MYH14: variants seen among roughly 807,000 people sequenced by gnomAD.
MYH14 encodes myosin heavy chain 14, also known as myosin-14.
MYH14 carries 123 observed loss-of-function variants against 255.5 expected under a neutral mutation model. That is an observed-to-expected ratio of 0.48 (90% CI 0.42 to 0.56). MYH14 has a LOEUF of 0.56. Among genes scored for constraint, MYH14 ranks in the 20% least tolerant of loss-of-function variants. The pLI is 0.00. For missense variants in MYH14, 2,423 were observed against 2,802.3 expected (o/e 0.86, Z 3.06); for synonymous variants, 1,095 against 1,161.2 (o/e 0.94, Z 1.16).
chr19:50,232,046 G>A lies in MYH14; in HGVS notation c.1090G>A (p.Gly364Arg). The change falls in exon 10 of 43, where the codon GGA (glycine) becomes AGA (arginine). Residue 364 changes from glycine (G) to arginine (R), a missense_variant. Coordinates refer to ENST00000642316, the MANE Select transcript of MYH14 (RefSeq NM_001145809.2). ...GACGCTGGAGTCGCTGCGGGTCCTG[G>A]GATTCAGCCACGAGGAAATCATCTG... ...QETLESLRVLGFSHEEIISML... is the reference protein window; with the variant it reads ...QETLESLRVLRFSHEEIISML... 6.2e-7 allele frequency: 1 copy of A among 1,612,758 alleles called. No homozygotes were observed. The highest frequency in any genetic ancestry group is 8.5e-7 in the Non-Finnish European group (1 of 1,179,892).
chr19:50,244,921 C>T (rs1459356412), intron 11 of MYH14, among the ~76,000 whole-genome samples: 1 of 152,196 alleles, frequency 6.6e-6, no homozygotes, highest in African/African-American at 2.4e-5. Context: ...TCCCAGACCC[C>T]CTCTCCCCAC....
chr19:50,225,086 C>T (rs1289073758), intron 6 of MYH14, among the ~76,000 whole-genome samples: 1 of 152,208 alleles, frequency 6.6e-6, no homozygotes, highest in African/African-American at 2.4e-5. Flanking sequence ...AGAATTTCTA[C>T]AAGCAACACA....
At chr19:50,249,619 C>G in intron 13 of MYH14, 31 bp from the exon 14 acceptor site, 1 of 1,210,400 alleles carries the variant, frequency 8.3e-7, no homozygotes. Context: ...CCTCTCCATC[C>G]TCCCAGCTCA....
At position 50,310,205 on chromosome 19, in the gene MYH14, T is replaced by C. The variant is rs1267600832; in HGVS notation, c.*415T>C. The stretch of plus-strand genomic sequence containing the variant: ...TCTCTCTCTCTCTCCCTCCCTCTCC[T>C]TCCCTACCCTCTCACCATCTTTCTT... On this transcript the variant is annotated 3_prime_UTR_variant, in exon 43 of 43. Coordinates refer to ENST00000642316, the MANE Select transcript of MYH14 (RefSeq NM_001145809.2). 1.9e-5 allele frequency: 5 copies of C among 259,558 alleles called. No homozygotes were observed. In the East Asian group the frequency reaches 6.6e-4, roughly 34 times the overall value. The allele number at this position is 259,558 out of a possible 1,614,324, so 16.1% of individuals were successfully genotyped here. A position where few individuals can be genotyped will look rare whatever the true frequency, so the allele number is the denominator to read the frequency against.
chr19:50,293,426 G>A lies in MYH14; in HGVS notation c.5345+105G>A, dbSNP rs551516907. On this transcript the variant is annotated intron_variant, in intron 38 of 42. Coordinates refer to ENST00000642316, the MANE Select transcript of MYH14 (RefSeq NM_001145809.2). The surrounding 1 kb of genome is among the most constrained non-coding windows in gnomAD (Gnocchi z 4.1). Reference sequence around the variant, plus strand: ...TCTGGGACAGGAAACTGGGAGGTGGGCGGGGTTAACCTCGGGGCCCCTGGG... The same window carrying A: ...TCTGGGACAGGAAACTGGGAGGTGGACGGGGTTAACCTCGGGGCCCCTGGG... The A allele has an allele frequency of 3.3e-6, 5 of 1,517,928 alleles. No individual in the cohort carries two copies. The South Asian group carries it at 4.8e-5, about 14-fold the overall frequency. The allele number at this position is 1,517,928 out of a possible 1,614,324, so 94.0% of individuals were successfully genotyped here.
Position 50,230,527 on chromosome 19 carries a change from C to T in MYH14, c.877C>T (p.Leu293=), listed in dbSNP as rs2033322331. 1.3e-6 allele frequency: 2 copies of T among 1,560,862 alleles called. No individual in the cohort carries two copies. The highest frequency in any genetic ancestry group is 1.7e-6 in the Non-Finnish European group (2 of 1,152,886). The change falls in exon 9 of 43, where the codon CTG becomes TTG. Residue 293 remains leucine, a splice_region_variant and synonymous_variant. Coordinates refer to ENST00000642316, the MANE Select transcript of MYH14 (RefSeq NM_001145809.2). This position sits in a 1 kb window ranked among gnomAD's most constrained non-coding sequence, Gnocchi z 4.7. The part of the protein sequence containing the change: ...YIVGANIETY[L]LEKSRAIRQA... Reference sequence around the variant, plus strand: ...GCACCTTGACTCGCTGTGTCCAGACCTGCTGGAGAAGTCGCGGGCCATCCG... The same window carrying T: ...GCACCTTGACTCGCTGTGTCCAGACTTGCTGGAGAAGTCGCGGGCCATCCG...
chr19:50,260,756 T>A lies in MYH14; in HGVS notation c.2424+41T>A. 6.8e-7 allele frequency: 1 copy of A among 1,470,096 alleles called. No homozygotes were observed. The highest frequency in any genetic ancestry group is 9.3e-7 in the Non-Finnish European group (1 of 1,070,490). 91.1% of individuals were successfully genotyped at this position (1,470,096 alleles called of 1,614,324 possible). The stretch of plus-strand genomic sequence containing the variant: ...CCTGGAATGCGTGTGTGCGTGTGTG[T>A]GTGTGCGTGCATGAGTGTGCGTGCA... On this transcript the variant is annotated intron_variant, in intron 20 of 42. Transcript: ENST00000642316.
At chr19:50,203,723 C>G (rs546631417) in intron 1 of MYH14, 52 bp downstream of exon 1, 39 of 152,476 alleles carry the variant, frequency 2.6e-4, no homozygotes, top group African/African-American at 9.4e-4. Flanking sequence ...GGGACTGAGC[C>G]AGGGGAAGCT....
intron 3 of MYH14, 50 bp downstream of exon 3, chr19:50,217,821 G>A (rs760901657): frequency 3.1e-6 from 5 of 1,593,240 alleles, no homozygotes; most frequent in Non-Finnish European, 4.3e-6. Context: ...TTCAACGGGG[G>A]CCTGACCTGG....
At chr19:50,301,385 T>C (rs1350947350) in intron 39 of MYH14, among the ~76,000 whole-genome samples, 1 of 152,212 alleles carries the variant, frequency 6.6e-6, no homozygotes, top group African/African-American at 2.4e-5. Flanking sequence ...ATTTATGACA[T>C]TTAAACAAGT....
At position 50,307,152 on chromosome 19, in the gene MYH14, G is replaced by A; in HGVS notation, c.5782G>A (p.Asp1928Asn). Reference protein sequence around the residue: ...EERRVADQLRDQLEKGNLRVK... With the variant: ...EERRVADQLRNQLEKGNLRVK... ...GCGGAGGGTGGCTGACCAGCTCCGG[G>A]ACCAGGTAAGCAGCTGGCATCATTA... Residue 1928 changes from aspartate (D) to asparagine (N), a missense_variant, in exon 41 of 43, where the codon GAC becomes AAC. By Grantham distance (23) the Asp-to-Asn change is conservative (BLOSUM62 1). This residue lies in a region of MYH14 where 1,513 missense variants were observed against 1,674.8 expected (regional missense o/e 0.90). Transcript: ENST00000642316. 2 of 1,542,284 alleles carry A rather than the reference G, an allele frequency of 1.3e-6. No homozygotes were observed. The highest frequency in any genetic ancestry group is 1.8e-6 in the Non-Finnish European group (2 of 1,140,474).
intron 22 of MYH14, among the ~76,000 whole-genome samples, chr19:50,263,818 A>G (rs2034978216): frequency 6.6e-6 from 1 of 152,082 alleles, no homozygotes; most frequent in African/African-American, 2.4e-5. Flanking sequence ...GCAGTGTGAG[A>G]GGCCGAGGCG....
intron 41 of MYH14, chr19:50,308,314 TAG>T (rs2036723167): frequency 6.6e-6 from 1 of 152,262 alleles, no homozygotes; most frequent in Non-Finnish European, 1.5e-5. Flanking sequence ...AGCTTCTTGG[TAG>T]AGTTTAACTT....
At chr19:50,269,397 G>C (rs547174969) in intron 24 of MYH14, among the ~76,000 whole-genome samples, 1 of 152,262 alleles carries the variant, frequency 6.6e-6, no homozygotes, top group African/African-American at 2.4e-5. Context: ...GGCCAGGCTG[G>C]TCTCGAACTC....
Position 50,307,390 on chromosome 19 carries a change from G to T in MYH14, c.5787+233G>T, listed in dbSNP as rs151321924. 2.6e-4 allele frequency among the ~76,000 whole-genome samples: 39 copies of T among 152,304 alleles called. 1 individual carries two copies. The East Asian group carries it at 6.2e-3, about 24-fold the overall frequency. ...TAGAAAGGGCCCTGTAGGGAGCTGA[G>T]GAAGCCAGGGCAAGGGAAGAAGTTA... On this transcript the variant is annotated intron_variant, in intron 41 of 42. Transcript: ENST00000642316.
intron 11 of MYH14, among the ~76,000 whole-genome samples, chr19:50,244,961 T>G (rs1412724171): frequency 6.6e-6 from 1 of 152,206 alleles, no homozygotes; most frequent in Non-Finnish European, 1.5e-5. Context: ...TTGGCGTAGC[T>G]TCTCCAGCCT....
In MYH14 at chr19:50,266,773, T is replaced by C; in HGVS notation, c.2695-104T>C. The C allele has an allele frequency of 4.1e-6, 6 of 1,457,886 alleles. No homozygotes were observed. Among genetic ancestry groups the C allele is most frequent in the Non-Finnish European group, 5.6e-6 (6 of 1,069,388 alleles). 90.3% of individuals were successfully genotyped at this position (1,457,886 alleles called of 1,614,324 possible). A position where few individuals can be genotyped will look rare whatever the true frequency, so the allele number is the denominator to read the frequency against. ...TGCCAAGGCGGGGACACACAGCTAA[T>C]AGGTGGAGGAGAAGGGATTTGAACC... On this transcript the variant is annotated intron_variant, in intron 22 of 42. Coordinates refer to ENST00000642316, the MANE Select transcript of MYH14 (RefSeq NM_001145809.2). This position sits in a 1 kb window ranked among gnomAD's most constrained non-coding sequence, Gnocchi z 4.1.
In MYH14 at chr19:50,255,296, C is replaced by T; in HGVS notation, c.2022C>T (p.Ser674=). Residue 674 remains serine (S), a synonymous_variant, in exon 17 of 43, where the codon AGC becomes AGT. Coordinates refer to ENST00000642316, the MANE Select transcript of MYH14 (RefSeq NM_001145809.2). ...PSPPGSAERC[S]SAISPPGVEG... ...CCCCAGGATCTGCAGAGAGGTGCAG[C>T]TCTGCTATTTCTCCGCCAGGGGGTG... 6.4e-7 allele frequency: 1 copy of T among 1,551,324 alleles called. No individual in the cohort carries two copies. Among genetic ancestry groups the T allele is most frequent in the Middle Eastern group, 1.7e-4 (1 of 5,992 alleles).
At chr19:50,204,896 C>T (rs575291997) in intron 1 of MYH14, among the ~76,000 whole-genome samples, 3 of 148,726 alleles carry the variant, frequency 2.0e-5, no homozygotes, top group African/African-American at 7.4e-5. Flanking sequence ...CCCTGTCTCT[C>T]CCTCTTTTTT....
Sources: gnomAD v4.1 joint callset for allele counts (sites outside exome capture counted in the v4.1 genomes callset) on GRCh38, gnomAD v4.1.1 for gene constraint, gnomAD v4.1.1 regional missense constraint, Gnocchi (gnomAD v3.1) non-coding constraint, MANE v1.5 for transcripts, NCBI Gene and HGNC (gene_info 2026-07-23, HGNC 2026-07-21) for gene names.